Variants in SGCD observed in about 807,000 individuals in gnomAD.
SGCD encodes sarcoglycan delta, also known as delta-sarcoglycan.
Under a neutral mutation model 36.6 loss-of-function variants are expected in SGCD, and 18 were observed. The observed-to-expected ratio is 0.49, with a 90% CI of 0.34 to 0.73. SGCD has a LOEUF of 0.73. SGCD is among the 30% of genes least tolerant of loss of function. The pLI is 0.01. For missense variants in SGCD, 387 were observed against 346.7 expected (o/e 1.12, Z -0.92); for synonymous variants, 133 against 130.6 (o/e 1.02, Z -0.12).
At chr5:156,566,251 C>A (rs1759474036) in intron 4 of SGCD, among the ~76,000 whole-genome samples, 1 of 152,050 alleles carries the variant, frequency 6.6e-6, no homozygotes, top group Admixed American at 6.6e-5. Context: ...TAAATAAATT[C>A]AATTTTTTAA....
At chr5:155,754,930 A>G in the SGCD span, among the ~76,000 whole-genome samples, 2 of 152,168 alleles carry the variant, frequency 1.3e-5, no homozygotes, top group Non-Finnish European at 2.9e-5. Context: ...GCTGGCTTAG[A>G]GTCAGCCCAG....
intron 3 of SGCD, among the ~76,000 whole-genome samples, chr5:156,414,888 G>A (rs955619004): frequency 3.3e-5 from 5 of 152,128 alleles, no homozygotes; most frequent in Admixed American, 6.5e-5. Flanking sequence ...AACAATGAAG[G>A]CACTACTATT....
intron 1 of SGCD, among the ~76,000 whole-genome samples, chr5:156,086,485 G>T (rs1250577577): frequency 6.6e-6 from 1 of 152,188 alleles, no homozygotes; most frequent in Admixed American, 6.5e-5. Flanking sequence ...GCAGAAATTG[G>T]TTCTTAAGGG....
chr5:156,408,743 C>G (rs1311692543), intron 3 of SGCD, among the ~76,000 whole-genome samples: 1 of 152,168 alleles, frequency 6.6e-6, no homozygotes, highest in African/African-American at 2.4e-5. Context: ...TTTAGTCATC[C>G]TCTCTTTCTT....
At chr5:156,021,831 C>T (rs1759106926) in intron 1 of SGCD, among the ~76,000 whole-genome samples, 1 of 152,120 alleles carries the variant, frequency 6.6e-6, no homozygotes, top group Non-Finnish European at 1.5e-5. Flanking sequence ...GGAGCAGCTG[C>T]TATTTGGCCC....
intron 1 of SGCD, among the ~76,000 whole-genome samples, chr5:155,917,671 C>T (rs1042685976): frequency 1.3e-5 from 2 of 152,132 alleles, no homozygotes; most frequent in African/African-American, 4.8e-5. Flanking sequence ...AGACGTCAGG[C>T]AGAAAGACAC....
intron 1 of SGCD, among the ~76,000 whole-genome samples, chr5:155,988,133 A>G (rs935249251): frequency 1.3e-5 from 2 of 152,154 alleles, no homozygotes; most frequent in African/African-American, 4.8e-5. Context: ...AAGAGATTAG[A>G]CTATTTATAT....
At chr5:155,940,871 A>G (rs1711619349) in intron 1 of SGCD, among the ~76,000 whole-genome samples, 1 of 147,826 alleles carries the variant, frequency 6.8e-6, no homozygotes, top group South Asian at 2.1e-4. Flanking sequence ...AACAACAACA[A>G]CAACAAAAAA....
At chr5:155,793,723 A>G in the SGCD span, among the ~76,000 whole-genome samples, 1 of 151,562 alleles carries the variant, frequency 6.6e-6, no homozygotes, top group Admixed American at 6.6e-5. Flanking sequence ...TGTATTTTGT[A>G]TTTTTAGTAG....
At chr5:156,694,611 T>TG (rs1313870059) in intron 7 of SGCD, among the ~76,000 whole-genome samples, 1 of 152,182 alleles carries the variant, frequency 6.6e-6, no homozygotes, top group African/African-American at 2.4e-5. Flanking sequence ...AACCAGACCC[T>TG]GGTACTTTGT....
rs1757006722 is a variant in SGCD, at chr5:155,926,911, G to C, written c.-282+56487G>C. ...TAACTAGGGATGATTTTTCCCTCAG[G>C]GTAGTACCTTGGCAATGTCCAGAGA... On this transcript the variant is annotated intron_variant, in intron 1 of 9. Transcript: ENST00000517913. Among the ~76,000 whole-genome samples, 4 of 152,098 alleles carry C rather than the reference G, an allele frequency of 2.6e-5. No homozygotes were observed. The South Asian group carries it at 8.3e-4, about 32-fold the overall frequency.
chr5:155,964,311 T>C (rs1331395094), intron 1 of SGCD, among the ~76,000 whole-genome samples: 1 of 152,126 alleles, frequency 6.6e-6, no homozygotes, highest in African/African-American at 2.4e-5. Context: ...GCTCTAACTA[T>C]ACTCTATATT....
At chr5:156,280,838 T>A (rs1766435480) in intron 3 of SGCD, among the ~76,000 whole-genome samples, 1 of 152,226 alleles carries the variant, frequency 6.6e-6, no homozygotes, top group Non-Finnish European at 1.5e-5. Flanking sequence ...TTTCCTTTAA[T>A]GCAGAGAATT....
intron 3 of SGCD, among the ~76,000 whole-genome samples, chr5:156,282,266 A>C (rs1267148189): frequency 6.6e-6 from 1 of 152,194 alleles, no homozygotes; most frequent in Admixed American, 6.5e-5. Flanking sequence ...CAGAAGCAAC[A>C]GATACCTAAT....
chr5:156,674,546 G>A (rs567672338), intron 7 of SGCD, among the ~76,000 whole-genome samples: 1 of 152,256 alleles, frequency 6.6e-6, no homozygotes, highest in East Asian at 1.9e-4. Flanking sequence ...TCCCATCACT[G>A]AGAGACTCAA....
At chr5:155,943,895 A>G (rs1757384647) in intron 1 of SGCD, among the ~76,000 whole-genome samples, 1 of 152,230 alleles carries the variant, frequency 6.6e-6, no homozygotes, top group Non-Finnish European at 1.5e-5. Flanking sequence ...ACTTTACTGT[A>G]AAGCAGCCCC....
the SGCD span, among the ~76,000 whole-genome samples, chr5:155,732,233 C>T: frequency 6.6e-6 from 1 of 152,212 alleles, no homozygotes; most frequent in Non-Finnish European, 1.5e-5. Flanking sequence ...CTGTTATTAT[C>T]ATCTGCATTT....
At chr5:156,545,117 CTT>C in intron 4 of SGCD, among the ~76,000 whole-genome samples, 1 of 152,166 alleles carries the variant, frequency 6.6e-6, no homozygotes, top group African/African-American at 2.4e-5. Flanking sequence ...TAGGTAGTGA[CTT>C]TTTTTGTTTG....
chr5:156,430,938 A>G (rs943494966), intron 3 of SGCD, among the ~76,000 whole-genome samples: 1 of 152,170 alleles, frequency 6.6e-6, no homozygotes, highest in Non-Finnish European at 1.5e-5. Context: ...TTTATTGACC[A>G]AACGATGATT....
Sources: gnomAD v4.1 joint callset for allele counts (sites outside exome capture counted in the v4.1 genomes callset) on GRCh38, gnomAD v4.1.1 for gene constraint, MANE v1.5 for transcripts, NCBI Gene and HGNC (gene_info 2026-07-23, HGNC 2026-07-21) for gene names.